ARMC7: variants seen among roughly 807,000 people sequenced by gnomAD.
The protein encoded by ARMC7 is armadillo repeat containing 7.
ARMC7 carries 9 observed loss-of-function variants against 14.8 expected under a neutral mutation model. The ratio of observed to expected loss-of-function variants is 0.61; its 90% confidence interval spans 0.37 to 1.06. The LOEUF is 1.06. ARMC7 is among the 50% of genes least tolerant of loss of function. ARMC7 has a pLI of 0.01. For missense variants in ARMC7, 262 were observed against 267.1 expected (o/e 0.98, Z 0.13); for synonymous variants, 125 against 123.4 (o/e 1.01, Z -0.09).
intron 2 of ARMC7, among the ~76,000 whole-genome samples, chr17:75,119,626 AT>A (rs71159437): frequency 0.88 from 124,669 of 142,382 alleles, 55,036 homozygotes; most frequent in East Asian, 0.98. Context: ...TTTTTTTTGT[AT>A]TTTTTTTTTT....
intron 2 of ARMC7, among the ~76,000 whole-genome samples, chr17:75,118,080 G>A (rs1346752372): frequency 2.7e-5 from 4 of 150,444 alleles, no homozygotes; most frequent in Admixed American, 2.0e-4. Context: ...AGCCAAGATC[G>A]TGCCACTGCA....
At position 75,110,997 on chromosome 17, in the gene ARMC7, A is replaced by G. The variant is rs543909169; in HGVS notation, c.235+391A>G. 6.7e-5 allele frequency among the ~76,000 whole-genome samples: 10 copies of G among 148,392 alleles called. No homozygotes were observed. The South Asian group carries it at 2.1e-3, about 31-fold the overall frequency. Reference sequence around the variant, plus strand: ...AAAAAAGCCGCACACAGTGGTGTGCACCTGTAGGCCCAGCTACTCTGGAGA... The same window carrying G: ...AAAAAAGCCGCACACAGTGGTGTGCGCCTGTAGGCCCAGCTACTCTGGAGA... On this transcript the variant is annotated intron_variant, in intron 2 of 2. Coordinates refer to ENST00000245543, the MANE Select transcript of ARMC7 (RefSeq NM_024585.4).
intron 2 of ARMC7, among the ~76,000 whole-genome samples, chr17:75,119,435 C>CAGA (rs1308961100): frequency 4.0e-5 from 6 of 148,700 alleles, no homozygotes; most frequent in African/African-American, 1.3e-4. Flanking sequence ...CTGAAAATAC[C>CAGA]CTGTGATACA....
intron 2 of ARMC7, among the ~76,000 whole-genome samples, chr17:75,111,655 T>C (rs1297768569): frequency 2.0e-5 from 3 of 151,368 alleles, no homozygotes; most frequent in Non-Finnish European, 4.4e-5. Flanking sequence ...GGAGGATTGC[T>C]TAAGCCTGGG....
chr17:75,123,546 A>C (rs1480230609), intron 2 of ARMC7, among the ~76,000 whole-genome samples: 7 of 151,500 alleles, frequency 4.6e-5, no homozygotes, highest in Admixed American at 4.0e-4. Context: ...GTAGAGAGGG[A>C]GTTTCACCGT....
At chr17:75,110,731 G>C in intron 2 of ARMC7, 125 bp downstream of exon 2, 4 of 1,316,592 alleles carry the variant, frequency 3.0e-6, no homozygotes, top group Non-Finnish European at 4.2e-6. Context: ...GGGAAGCTAA[G>C]GCGGGCGGAT....
intron 2 of ARMC7, among the ~76,000 whole-genome samples, chr17:75,124,872 G>GT (rs1226850083): frequency 6.6e-6 from 1 of 152,220 alleles, no homozygotes; most frequent in East Asian, 1.9e-4. Flanking sequence ...CGTGCTCAGT[G>GT]AAGTGTCCAC....
At chr17:75,120,375 T>C (rs1372243987) in intron 2 of ARMC7, among the ~76,000 whole-genome samples, 1 of 152,210 alleles carries the variant, frequency 6.6e-6, no homozygotes, top group Non-Finnish European at 1.5e-5. Flanking sequence ...CTTTTGCCTC[T>C]CCAGGGTTCT....
At chr17:75,123,377 C>T (rs1477364808) in intron 2 of ARMC7, among the ~76,000 whole-genome samples, 6 of 145,620 alleles carry the variant, frequency 4.1e-5, no homozygotes, top group East Asian at 2.1e-4. Context: ...TTTTTGAGAC[C>T]GAGTTTCGCT....
Position 75,129,097 on chromosome 17 carries a change from G to A in ARMC7, c.*59G>A. The A allele has an allele frequency of 1.3e-6, 2 of 1,532,466 alleles. No individual in the cohort carries two copies. The highest frequency in any genetic ancestry group is 1.7e-6 in the Non-Finnish European group (2 of 1,145,804). 94.9% of individuals were successfully genotyped at this position (1,532,466 alleles called of 1,614,324 possible). A position where few individuals can be genotyped will look rare whatever the true frequency, so the allele number is the denominator to read the frequency against. On this transcript the variant is annotated 3_prime_UTR_variant, in exon 3 of 3. Coordinates refer to ENST00000245543, the MANE Select transcript of ARMC7 (RefSeq NM_024585.4). Reference sequence around the variant, plus strand: ...TGCTGGAGACCACAGTCCTGATGTGGACGCAGGGAACGGGGAGCACATACT... The same window carrying A: ...TGCTGGAGACCACAGTCCTGATGTGAACGCAGGGAACGGGGAGCACATACT...
chr17:75,110,953 CAAAAA>C (rs537195116), intron 2 of ARMC7, among the ~76,000 whole-genome samples: 1,260 of 49,810 alleles, frequency 0.025, 18 homozygotes, highest in African/African-American at 0.087. Flanking sequence ...GACCCCGTCT[CAAAAA>C]AAAAAAAAAA....
rs746044018 is a variant in ARMC7, at chr17:75,110,176, C to T, written c.-113C>T. ...CCCAGGAAAGAAACCCATTTGCCGA[C>T]CCCCTCTTCCCTCTCCAGACAGGTG... On this transcript the variant is annotated 5_prime_UTR_variant, in exon 1 of 3. Coordinates refer to ENST00000245543, the MANE Select transcript of ARMC7 (RefSeq NM_024585.4). 11 of 1,023,116 alleles carry T rather than the reference C, an allele frequency of 1.1e-5. No homozygotes were observed. The highest frequency in any genetic ancestry group is 1.5e-5 in the Non-Finnish European group (11 of 720,170). The allele number at this position is 1,023,116 out of a possible 1,614,324, so 63.4% of individuals were successfully genotyped here.
At chr17:75,118,434 C>G (rs1386032580) in intron 2 of ARMC7, among the ~76,000 whole-genome samples, 2 of 152,194 alleles carry the variant, frequency 1.3e-5, no homozygotes, top group African/African-American at 4.8e-5. Context: ...GCAGCAACCA[C>G]TTGCCAACAG....
chr17:75,129,344 C>G lies in ARMC7; in HGVS notation c.*306C>G, dbSNP rs1234647647. ...TAAGAAGCGGCCAAGTGCCTGGACC[C>G]AGAGGCTTTGCAGGACAGTGTTCTC... On this transcript the variant is annotated 3_prime_UTR_variant, in exon 3 of 3. Coordinates refer to ENST00000245543, the MANE Select transcript of ARMC7 (RefSeq NM_024585.4). 2.2e-6 allele frequency: 1 copy of G among 461,394 alleles called. No individual in the cohort carries two copies. Among genetic ancestry groups the G allele is most frequent in the Non-Finnish European group, 3.9e-6 (1 of 257,802 alleles). 28.6% of individuals were successfully genotyped at this position (461,394 alleles called of 1,614,324 possible). A position where few individuals can be genotyped will look rare whatever the true frequency, so the allele number is the denominator to read the frequency against.
intron 2 of ARMC7, among the ~76,000 whole-genome samples, chr17:75,118,863 G>C (rs1367843352): frequency 1.3e-5 from 2 of 152,168 alleles, no homozygotes; most frequent in Non-Finnish European, 2.9e-5. Flanking sequence ...GTACATATCG[G>C]GAACCCCCAC....
At chr17:75,111,850 A>T (rs2073925876) in intron 2 of ARMC7, among the ~76,000 whole-genome samples, 1 of 151,536 alleles carries the variant, frequency 6.6e-6, no homozygotes, top group Non-Finnish European at 1.5e-5. Context: ...CTATTGAGTT[A>T]TTCACTGGGT....
intron 2 of ARMC7, among the ~76,000 whole-genome samples, chr17:75,125,249 C>T (rs777363714): frequency 1.3e-5 from 2 of 152,152 alleles, no homozygotes; most frequent in Non-Finnish European, 2.9e-5. Context: ...TTCTTTGAAC[C>T]CTTTCCCCCC....
Position 75,110,582 on chromosome 17 carries a change from G to T in ARMC7, c.211G>T (p.Glu71Ter), listed in dbSNP as rs767640539. Residue 71 changes from glutamate (E) to a stop codon, truncating the protein, a stop_gained, in exon 2 of 3, where the codon GAG (glutamate) becomes TAG (stop). Coordinates refer to ENST00000245543, the MANE Select transcript of ARMC7 (RefSeq NM_024585.4). LOFTEE classifies it high-confidence loss of function. ...TCTCGATTCGCTGTCGGAGGAGAATGAGACCCTGGTGGAGTTTGCTATTGG... is the reference window on the plus strand; with the variant it reads ...TCTCGATTCGCTGTCGGAGGAGAATTAGACCCTGGTGGAGTTTGCTATTGG... The part of the protein sequence containing the change: ...LFLDSLSEEN[E>*]TLVEFAIGGL... 1.9e-6 allele frequency: 3 copies of T among 1,614,240 alleles called. No individual in the cohort carries two copies. The East Asian group carries it at 6.7e-5, about 36-fold the overall frequency.
At chr17:75,123,032 C>CT (rs34863483) in intron 2 of ARMC7, among the ~76,000 whole-genome samples, 25,565 of 135,910 alleles carry the variant, frequency 0.19, 3,401 homozygotes, top group East Asian at 0.66. Context: ...TCTTTGGACA[C>CT]TTTTTTTTTT....
Sources: allele counts gnomAD v4.1 joint callset (sites outside exome capture counted in the v4.1 genomes callset), GRCh38; gene constraint gnomAD v4.1.1; transcripts MANE v1.5; gene names NCBI Gene and HGNC (gene_info 2026-07-23, HGNC 2026-07-21).